Variants in TOP1 observed in about 807,000 individuals in gnomAD.
The protein encoded by TOP1 is DNA topoisomerase I, also known as DNA topoisomerase 1.
In TOP1, 10 loss-of-function variants were observed where a neutral mutation model predicts 111.1. That is an observed-to-expected ratio of 0.09 (90% CI 0.06 to 0.15). TOP1 has a LOEUF of 0.15. TOP1 is among the 10% of genes least tolerant of loss of function. The pLI is 1.00. For missense variants in TOP1, 474 were observed against 926.7 expected (o/e 0.51, Z 6.34); for synonymous variants, 271 against 302.9 (o/e 0.89, Z 1.10).
At chr20:41,119,464 AATAAAT>A (rs2034387535) in intron 18 of TOP1, among the ~76,000 whole-genome samples, 1 of 152,234 alleles carries the variant, frequency 6.6e-6, no homozygotes, top group South Asian at 2.1e-4. Flanking sequence ...AAAATTTAAA[AATAAAT>A]ATAAATAAGT....
chr20:41,035,060 T>C (rs2033167597), intron 2 of TOP1, among the ~76,000 whole-genome samples: 1 of 152,148 alleles, frequency 6.6e-6, no homozygotes, highest in African/African-American at 2.4e-5. Flanking sequence ...GGGCTAATTT[T>C]TGCATTTTTT....
Position 41,071,416 on chromosome 20 carries a change from C to T in TOP1, c.156-4755C>T, listed in dbSNP as rs1466254372. ...CTGGAGTGCAGTGGCGTGATCTCGGCTCACTGCAGCCTCTGTCTCCCTGGT... is the reference window on the plus strand; with the variant it reads ...CTGGAGTGCAGTGGCGTGATCTCGGTTCACTGCAGCCTCTGTCTCCCTGGT... On this transcript the variant is annotated intron_variant, in intron 3 of 20. Coordinates refer to ENST00000361337, the MANE Select transcript of TOP1 (RefSeq NM_003286.4). The surrounding 1 kb of genome is among the most constrained non-coding windows in gnomAD (Gnocchi z 4.3). 6.6e-6 allele frequency among the ~76,000 whole-genome samples: 1 copy of T among 151,804 alleles called. No individual in the cohort carries two copies. Among genetic ancestry groups the T allele is most frequent in the Non-Finnish European group, 1.5e-5 (1 of 67,990 alleles).
rs2034088167 is a variant in TOP1 at position 41,102,980 on chromosome 20, CTG to C, written c.1308+1631_1308+1632del. Among the ~76,000 whole-genome samples, 2 of 152,262 alleles carry C rather than the reference CTG, an allele frequency of 1.3e-5. No individual in the cohort carries two copies. The highest frequency in any genetic ancestry group is 4.1e-4 in the South Asian group (2 of 4,828). The stretch of plus-strand genomic sequence containing the variant: ...AAGTAGTATTTCAAACAAGAGAGAA[CTG>C]TGTCGTGGACAAAGGGGAGGGTGGT... On this transcript the variant is annotated intron_variant, in intron 13 of 20. Coordinates refer to ENST00000361337, the MANE Select transcript of TOP1 (RefSeq NM_003286.4). The surrounding 1 kb of genome is among the most constrained non-coding windows in gnomAD (Gnocchi z 4.0).
chr20:41,108,192 T>C (rs779538556), intron 13 of TOP1, among the ~76,000 whole-genome samples: 3 of 152,222 alleles, frequency 2.0e-5, no homozygotes, highest in Non-Finnish European at 4.4e-5. Flanking sequence ...CTGCTCAGCC[T>C]CCAGAGATGT....
chr20:41,123,443 G>GAT lies in TOP1; in HGVS notation c.*149_*150dup. ...ATCTTTGCGAAAAGATAAACCTGGAGATATTATAAGGGAGAGCTGAGCCAG... is the reference window on the plus strand; with the variant it reads ...ATCTTTGCGAAAAGATAAACCTGGAGATATATTATAAGGGAGAGCTGAGCCAG... On this transcript the variant is annotated 3_prime_UTR_variant, in exon 21 of 21. Transcript: ENST00000361337. The surrounding 1 kb of genome is among the most constrained non-coding windows in gnomAD (Gnocchi z 5.8). 1.7e-6 allele frequency: 1 copy of GAT among 579,374 alleles called. No homozygotes were observed. The highest frequency in any genetic ancestry group is 3.1e-6 in the Non-Finnish European group (1 of 327,774). 35.9% of individuals were successfully genotyped at this position (579,374 alleles called of 1,614,324 possible).
intron 8 of TOP1, among the ~76,000 whole-genome samples, chr20:41,086,271 A>G (rs915854240): frequency 6.6e-6 from 1 of 151,698 alleles, no homozygotes; most frequent in Non-Finnish European, 1.5e-5. Flanking sequence ...TCAAAAAAAA[A>G]AAAAAGAAAA....
rs1384830600 is a variant in TOP1, at chr20:41,061,559, A to G, written c.155+69A>G. The stretch of plus-strand genomic sequence containing the variant: ...TTGGCCATTGCTTGGCTTACCTGGA[A>G]TAGGTCTTAACTTGAGCTACATGTA... On this transcript the variant is annotated intron_variant, in intron 3 of 20. Transcript: ENST00000361337. The surrounding 1 kb of genome is among the most constrained non-coding windows in gnomAD (Gnocchi z 4.6). 19 of 1,333,538 alleles carry G rather than the reference A, an allele frequency of 1.4e-5. No homozygotes were observed. The highest frequency in any genetic ancestry group is 1.9e-5 in the Non-Finnish European group (18 of 953,016). The allele number at this position is 1,333,538 out of a possible 1,614,324, so 82.6% of individuals were successfully genotyped here.
In TOP1 at chr20:41,115,456, C is replaced by T. The variant is rs375927139; in HGVS notation, c.1707+17C>T. 3 of 1,602,776 alleles carry T rather than the reference C, an allele frequency of 1.9e-6. No homozygotes were observed. Among genetic ancestry groups the T allele is most frequent in the South Asian group, 2.2e-5 (2 of 90,788 alleles). ...AGACTCAATGTGAGTAGATGAAGCA[C>T]ACAATGTTGAAGGGAGTCCCAGCCA... is the stretch of plus-strand genomic sequence containing the variant. On this transcript the variant is annotated intron_variant, in intron 16 of 20. Transcript: ENST00000361337. The surrounding 1 kb of genome is among the most constrained non-coding windows in gnomAD (Gnocchi z 6.3).
chr20:41,078,979 C>T lies in TOP1; in HGVS notation c.336-1106C>T, dbSNP rs892906340. Among the ~76,000 whole-genome samples the T allele has an allele frequency of 1.3e-5, 2 of 152,148 alleles. No homozygotes were observed. The highest frequency in any genetic ancestry group is 2.9e-5 in the Non-Finnish European group (2 of 68,020). On this transcript the variant is annotated intron_variant, in intron 5 of 20. Coordinates refer to ENST00000361337, the MANE Select transcript of TOP1 (RefSeq NM_003286.4). This position sits in a 1 kb window ranked among gnomAD's most constrained non-coding sequence, Gnocchi z 5.3. ...AACTTAGGATCTAGCATTTACTTAA[C>T]TAGTTGGGTAAATGATAGGCTTTCT... is the stretch of plus-strand genomic sequence containing the variant.
chr20:41,114,098 T>C lies in TOP1; in HGVS notation c.1581T>C (p.Phe527=), dbSNP rs1168142012. The C allele has an allele frequency of 3.1e-6, 5 of 1,614,112 alleles. No individual in the cohort carries two copies. Among genetic ancestry groups the C allele is most frequent in the Non-Finnish European group, 3.4e-6 (4 of 1,180,040 alleles). The stretch of plus-strand genomic sequence containing the variant: ...ATGGTCAGGAATATGTGGTAGAGTT[T>C]GACTTCCTCGGGAAGGACTCCATCA... ...ELDGQEYVVE[F]DFLGKDSIRY... Residue 527 remains phenylalanine (F), a synonymous_variant, in exon 15 of 21, where the codon TTT becomes TTC. Transcript: ENST00000361337. The surrounding 1 kb of genome is among the most constrained non-coding windows in gnomAD (Gnocchi z 4.5).
chr20:41,036,554 T>G (rs1305177492), intron 2 of TOP1, among the ~76,000 whole-genome samples: 1 of 152,256 alleles, frequency 6.6e-6, no homozygotes, highest in Non-Finnish European at 1.5e-5. Context: ...GCCTCTATTC[T>G]CAACTGGATC....
At chr20:41,057,306 C>T (rs1000108066) in intron 2 of TOP1, among the ~76,000 whole-genome samples, 32 of 150,590 alleles carry the variant, frequency 2.1e-4, no homozygotes, top group Non-Finnish European at 3.8e-4. Flanking sequence ...TGCTTGAACC[C>T]GGGAGGCTGA....
chr20:41,071,499 C>G lies in TOP1; in HGVS notation c.156-4672C>G, dbSNP rs942847648. On this transcript the variant is annotated intron_variant, in intron 3 of 20. Transcript: ENST00000361337. The surrounding 1 kb of genome is among the most constrained non-coding windows in gnomAD (Gnocchi z 4.3). ...AGCTGGGATTACAGGCATGTGCCAC[C>G]ACGCCCAGCTAATTTTTGTATTTTT... is the stretch of plus-strand genomic sequence containing the variant. Among the ~76,000 whole-genome samples the G allele has an allele frequency of 6.6e-6, 1 of 152,148 alleles. No individual in the cohort carries two copies. Among genetic ancestry groups the G allele is most frequent in the Admixed American group, 6.5e-5 (1 of 15,274 alleles).
At chr20:41,044,425 C>T (rs2033307909) in intron 2 of TOP1, among the ~76,000 whole-genome samples, 1 of 152,310 alleles carries the variant, frequency 6.6e-6, no homozygotes, top group South Asian at 2.1e-4. Flanking sequence ...GCCCTGCTCC[C>T]GAAGCTTAAA....
At chr20:41,040,082 A>T (rs1018244975) in intron 2 of TOP1, among the ~76,000 whole-genome samples, 2 of 152,250 alleles carry the variant, frequency 1.3e-5, no homozygotes, top group African/African-American at 4.8e-5. Flanking sequence ...CACCATCTTC[A>T]CATATTTGAA....
chr20:41,119,319 AAATTTCAGCTAG>A (rs2034384222), intron 18 of TOP1, among the ~76,000 whole-genome samples: 2 of 152,250 alleles, frequency 1.3e-5, no homozygotes, highest in Non-Finnish European at 2.9e-5. Context: ...AAGAAATACT[AAATTTCAGCTAG>A]AAGCTGGGTG....
intron 8 of TOP1, among the ~76,000 whole-genome samples, chr20:41,089,020 CTTTTTTTT>C (rs59200685): frequency 1.3e-5 from 1 of 77,926 alleles, no homozygotes; most frequent in African/African-American, 6.3e-5. Context: ...TGCCCCAGTT[CTTTTTTTT>C]TTTTTTTTTT....
Position 41,112,932 on chromosome 20 carries a change from G to A in TOP1, c.1452+7G>A, listed in dbSNP as rs1243564194. 9 of 1,613,580 alleles carry A rather than the reference G, an allele frequency of 5.6e-6. No individual in the cohort carries two copies. In the East Asian group the frequency reaches 2.0e-4, roughly 36 times the overall value. On this transcript the variant is annotated splice_region_variant and intron_variant, in intron 14 of 20. Coordinates refer to ENST00000361337, the MANE Select transcript of TOP1 (RefSeq NM_003286.4). The surrounding 1 kb of genome is among the most constrained non-coding windows in gnomAD (Gnocchi z 5.8). ...CCTGTACTTCATCGACAAGGTGAGA[G>A]CATCTTCCCATCGGCATTGTCTAGT...
rs2034000509 is a variant in TOP1 at position 41,097,630 on chromosome 20, T to C, written c.852+289T>C. Among the ~76,000 whole-genome samples, 1 of 152,216 alleles carries C rather than the reference T, an allele frequency of 6.6e-6. No individual in the cohort carries two copies. ...CAACTCCAGTTGCGCACAGGAAAGTTTGTCGCTGCAGGACTGCCCCGTGTC... is the reference window on the plus strand; with the variant it reads ...CAACTCCAGTTGCGCACAGGAAAGTCTGTCGCTGCAGGACTGCCCCGTGTC... On this transcript the variant is annotated intron_variant, in intron 10 of 20. Transcript: ENST00000361337. This position sits in a 1 kb window ranked among gnomAD's most constrained non-coding sequence, Gnocchi z 4.2.
Sources: gnomAD v4.1 joint callset for allele counts (sites outside exome capture counted in the v4.1 genomes callset) on GRCh38, gnomAD v4.1.1 for gene constraint, Gnocchi (gnomAD v3.1) non-coding constraint, MANE v1.5 for transcripts, NCBI Gene and HGNC (gene_info 2026-07-23, HGNC 2026-07-21) for gene names.